The following CDNF variants were observed in gnomAD, a reference collection of about 807,000 sequenced individuals.
CDNF encodes the protein ARMET-like protein 1.
A neutral mutation model predicts 14.8 loss-of-function variants in CDNF; 9 were observed. That is an observed-to-expected ratio of 0.61 (90% confidence interval 0.37 to 1.06). CDNF has a LOEUF of 1.06. CDNF is among the 50% of genes least tolerant of loss of function. CDNF has a pLI of 0.01. For synonymous variants in CDNF, 86 were observed against 87.2 expected (o/e 0.99, Z 0.07); for missense variants, 228 against 228.4 (o/e 1.00, Z 0.01).
chr10:14,822,492 C>T (rs910891498), intron 3 of CDNF, among the ~76,000 whole-genome samples: 2 of 152,000 alleles, frequency 1.3e-5, no homozygotes, highest in Admixed American at 6.6e-5. Context: ...AGGAGAATCT[C>T]TTGAACCCAG....
intron 2 of CDNF, among the ~76,000 whole-genome samples, chr10:14,825,891 C>T (rs1207294221): frequency 1.3e-5 from 2 of 150,908 alleles, no homozygotes; most frequent in Non-Finnish European, 2.9e-5. Context: ...GTGGAGGTTG[C>T]AGTGAGCCAA....
At chr10:14,830,428 C>A (rs7094179) in intron 1 of CDNF, among the ~76,000 whole-genome samples, 65,887 of 152,070 alleles carry the variant, frequency 0.43, 16,249 homozygotes, top group African/African-American at 0.68. Flanking sequence ...CCAGCTGGCT[C>A]TCACTTATGT....
chr10:14,833,501 C>A (rs1262142030), intron 1 of CDNF, among the ~76,000 whole-genome samples: 3 of 152,074 alleles, frequency 2.0e-5, no homozygotes, highest in Non-Finnish European at 4.4e-5. Flanking sequence ...TCTCTTTTTA[C>A]ATAGATAAAT....
rs61843027 is a variant in CDNF at position 14,825,558 on chromosome 10, T to G, written c.306A>C (p.Pro102=). The change falls in exon 3 of 4, where the codon CCA becomes CCC. Residue 102 remains proline (P), a synonymous_variant. Transcript: ENST00000465530. The stretch of plus-strand genomic sequence containing the variant: ...TCATTGCAGGCATATGCACACTCAT[T>G]GGGCGAGTGACTTCACTTAGGATCT... ...ATKILSEVTR[P]MSVHMPAMKI... is the part of the protein sequence containing the mutation. The G allele has an allele frequency of 0.022, 34,828 of 1,613,966 alleles. 430 individuals are homozygous for G. Among genetic ancestry groups the G allele is most frequent in the Middle Eastern group, 0.029 (175 of 6,062 alleles).
intron 2 of CDNF, among the ~76,000 whole-genome samples, chr10:14,826,080 AAGAAGAAGAAGAAGAAGCAGCAGC>A (rs1564313389): frequency 6.6e-4 from 93 of 141,636 alleles, no homozygotes; most frequent in Non-Finnish European, 9.7e-4. Flanking sequence ...GAAGAAGAAG[AAGAAGAAGAAGAAGAAGCAGCAGC>A]AGCAGCAGCA....
intron 3 of CDNF, among the ~76,000 whole-genome samples, chr10:14,823,818 C>T (rs117955139): frequency 5.1e-4 from 78 of 152,320 alleles, no homozygotes; most frequent in East Asian, 3.3e-3. Context: ...TGAGCTGCCG[C>T]GCCCGGCCAA....
chr10:14,825,085 G>C (rs889969388), intron 3 of CDNF, among the ~76,000 whole-genome samples: 8 of 151,838 alleles, frequency 5.3e-5, no homozygotes, highest in African/African-American at 1.9e-4. Context: ...TCCCGAGTAG[G>C]TGGGACTATA....
intron 2 of CDNF, among the ~76,000 whole-genome samples, chr10:14,827,555 C>T (rs555006929): frequency 2.2e-4 from 33 of 152,122 alleles, no homozygotes; most frequent in Non-Finnish European, 4.3e-4. Context: ...TCTTAGGATG[C>T]TAAATTCTTA....
At chr10:14,822,611 C>T (rs762720863) in intron 3 of CDNF, among the ~76,000 whole-genome samples, 7 of 151,614 alleles carry the variant, frequency 4.6e-5, no homozygotes, top group South Asian at 4.1e-4. Context: ...CCCGCTTGTC[C>T]GGTGTTCACT....
Position 14,819,962 on chromosome 10 carries a change from A to G in CDNF, c.*18T>C, listed in dbSNP as rs1405006385. 1.2e-6 allele frequency: 2 copies of G among 1,607,366 alleles called. No homozygotes were observed. Among genetic ancestry groups the G allele is most frequent in the Admixed American group, 3.4e-5 (2 of 59,006 alleles). ...TTTTCTCTCTAATTACAAGTCACAAATGTGCTGGCATTGGAGATCAGAGCT... is the reference window on the plus strand; with the variant it reads ...TTTTCTCTCTAATTACAAGTCACAAGTGTGCTGGCATTGGAGATCAGAGCT... On this transcript the variant is annotated 3_prime_UTR_variant, in exon 4 of 4. Coordinates refer to ENST00000465530, the MANE Select transcript of CDNF (RefSeq NM_001029954.3).
rs530706642 is a variant in CDNF, at chr10:14,826,128, CAGGAGAAGGAGA to C, written c.244-520_244-509del. Among the ~76,000 whole-genome samples the C allele has an allele frequency of 4.6e-3, 574 of 123,832 alleles. 24 individuals carry two copies. Among genetic ancestry groups the C allele is most frequent in the African/African-American group, 0.012 (382 of 31,232 alleles). 81.2% of individuals were successfully genotyped at this position (123,832 alleles called of 152,430 possible). ...GCAGCAGCAGCAGCAGCAGCAGAAG[CAGGAGAAGGAGA>C]AGGAGAAGGAGAAGAAGAAGAAGAA... On this transcript the variant is annotated intron_variant, in intron 2 of 3. Coordinates refer to ENST00000465530, the MANE Select transcript of CDNF (RefSeq NM_001029954.3).
intron 1 of CDNF, among the ~76,000 whole-genome samples, chr10:14,830,559 T>G (rs1439687169): frequency 1.3e-5 from 2 of 152,118 alleles, no homozygotes; most frequent in Non-Finnish European, 2.9e-5. Flanking sequence ...AGACTCACAT[T>G]TGCTGGCTGG....
chr10:14,819,841 A>C lies in CDNF; in HGVS notation c.*139T>G. 1 of 841,136 alleles carries C rather than the reference A, an allele frequency of 1.2e-6. No individual in the cohort carries two copies. The highest frequency in any genetic ancestry group is 1.8e-6 in the Non-Finnish European group (1 of 545,028). The allele number at this position is 841,136 out of a possible 1,614,324, so 52.1% of individuals were successfully genotyped here. A position where few individuals can be genotyped will look rare whatever the true frequency, so the allele number is the denominator to read the frequency against. ...TTTCACTCATAAACCCACGTAACAA[A>C]ATTCTGAGGAATAATACCAACACAA... On this transcript the variant is annotated 3_prime_UTR_variant, in exon 4 of 4. Coordinates refer to ENST00000465530, the MANE Select transcript of CDNF (RefSeq NM_001029954.3).
intron 1 of CDNF, among the ~76,000 whole-genome samples, chr10:14,830,702 C>T (rs781036354): frequency 1.6e-4 from 25 of 152,040 alleles, no homozygotes; most frequent in Admixed American, 7.9e-4. Context: ...AAAAATTAGC[C>T]AGGAGTGGTG....
At chr10:14,824,560 C>T (rs547352859) in intron 3 of CDNF, among the ~76,000 whole-genome samples, 2 of 148,082 alleles carry the variant, frequency 1.4e-5, no homozygotes, top group East Asian at 4.0e-4. Context: ...GAGCCAAGAT[C>T]GCACCACTGC....
At chr10:14,829,741 T>G (rs1407160585) in intron 1 of CDNF, among the ~76,000 whole-genome samples, 5 of 152,120 alleles carry the variant, frequency 3.3e-5, no homozygotes, top group Non-Finnish European at 7.4e-5. Flanking sequence ...GTGATTCTCC[T>G]GCCTCAGCCC....
At chr10:14,832,490 TA>T (rs770637694) in intron 1 of CDNF, among the ~76,000 whole-genome samples, 17 of 152,202 alleles carry the variant, frequency 1.1e-4, no homozygotes, top group Admixed American at 2.0e-4. Context: ...ACATGATTCA[TA>T]AAGGATGTCT....
chr10:14,822,471 G>A (rs1833745512), intron 3 of CDNF, among the ~76,000 whole-genome samples: 1 of 152,026 alleles, frequency 6.6e-6, no homozygotes, highest in Non-Finnish European at 1.5e-5. Context: ...AGCATCTCAG[G>A]AGGCTGAGGC....
At chr10:14,831,713 T>A (rs1833845464) in intron 1 of CDNF, among the ~76,000 whole-genome samples, 1 of 152,032 alleles carries the variant, frequency 6.6e-6, no homozygotes. Flanking sequence ...TAGCTGGGAC[T>A]AATGGCGTGT....
Sources: allele counts gnomAD v4.1 joint callset (sites outside exome capture counted in the v4.1 genomes callset), GRCh38; gene constraint gnomAD v4.1.1; transcripts MANE v1.5; gene names NCBI Gene and HGNC (gene_info 2026-07-23, HGNC 2026-07-21).